Variants in ROCK2 observed in about 807,000 individuals in gnomAD.
ROCK2 encodes Rho associated coiled-coil containing protein kinase 2.
In ROCK2, 61 loss-of-function variants were observed where a neutral mutation model predicts 195.1. The observed-to-expected ratio is 0.31, with a 90% CI of 0.25 to 0.39. The LOEUF is 0.39. Ranked by LOEUF, ROCK2 falls within the 10% of genes least tolerant of loss-of-function variation. ROCK2 has a pLI of 1.00. For synonymous variants in ROCK2, 504 were observed against 545.5 expected (o/e 0.92, Z 1.06); for missense variants, 1,109 against 1,637.4 (o/e 0.68, Z 5.57).
At chr2:11,320,043 G>A (rs1668353716) in intron 1 of ROCK2, among the ~76,000 whole-genome samples, 1 of 152,044 alleles carries the variant, frequency 6.6e-6, no homozygotes, top group Non-Finnish European at 1.5e-5. Flanking sequence ...TCCACCTAAT[G>A]ACATGGGATA....
At chr2:11,297,704 T>C (rs1667579643) in intron 1 of ROCK2, among the ~76,000 whole-genome samples, 1 of 152,176 alleles carries the variant, frequency 6.6e-6, no homozygotes, top group Admixed American at 6.5e-5. Context: ...TCTAAATACA[T>C]GTTGTTAAGT....
At chr2:11,218,314 C>T in intron 11 of ROCK2, 141 bp downstream of exon 11, 1 of 494,450 alleles carries the variant, frequency 2.0e-6, no homozygotes. Flanking sequence ...AAAAGAGATA[C>T]TTGGTAGAAG....
chr2:11,235,743 G>T lies in ROCK2; in HGVS notation c.682C>A (p.Leu228Ile). 6.2e-7 allele frequency: 1 copy of T among 1,612,492 alleles called. No homozygotes were observed. Among genetic ancestry groups the T allele is most frequent in the South Asian group, 1.1e-5 (1 of 90,678 alleles). The change falls in exon 5 of 33, where the codon CTA becomes ATA. Residue 228 changes from leucine to isoleucine, a missense_variant. By Grantham distance (5) the Leu-to-Ile change is conservative. Transcript: ENST00000315872. The surrounding 1 kb of genome is among the most constrained non-coding windows in gnomAD (Gnocchi z 4.2). ...CACGTGCCAAAATCTGCTAATTTTA[G>T]ATGTCCATGTTTATCCAAGAGCATG... ...DNMLLDKHGH[L>I]KLADFGTCMK...
chr2:11,310,613 T>C (rs748321232), intron 1 of ROCK2, among the ~76,000 whole-genome samples: 2 of 152,096 alleles, frequency 1.3e-5, no homozygotes, highest in Non-Finnish European at 2.9e-5. Context: ...GAATGCAAAA[T>C]AATATTTTAT....
At chr2:11,252,988 AAAGGT>A (rs1665892467) in intron 3 of ROCK2, among the ~76,000 whole-genome samples, 2 of 130,136 alleles carry the variant, frequency 1.5e-5, no homozygotes, top group Admixed American at 1.7e-4. Flanking sequence ...AATAATATTT[AAAGGT>A]AATCTGCAGG....
intron 5 of ROCK2, among the ~76,000 whole-genome samples, chr2:11,233,630 T>TA (rs139133173): frequency 0.042 from 6,466 of 152,216 alleles, 278 homozygotes; most frequent in Non-Finnish European, 0.06. Flanking sequence ...AATTGATTGA[T>TA]AGATACTATG....
chr2:11,256,875 T>G (rs1377780104), intron 3 of ROCK2, among the ~76,000 whole-genome samples: 1 of 151,296 alleles, frequency 6.6e-6, no homozygotes, highest in Non-Finnish European at 1.5e-5. Flanking sequence ...AATCTATACC[T>G]TCAGTTGGAA....
At chr2:11,239,186 G>A (rs796382573) in intron 4 of ROCK2, among the ~76,000 whole-genome samples, 3 of 151,680 alleles carry the variant, frequency 2.0e-5, no homozygotes, top group South Asian at 2.1e-4. Flanking sequence ...CACCAAAAAC[G>A]CAACTGACAA....
At chr2:11,198,917 T>G (rs1663744614) in intron 23 of ROCK2, 143 bp from the exon 24 acceptor site, 1 of 592,144 alleles carries the variant, frequency 1.7e-6, no homozygotes, top group South Asian at 2.2e-5. Flanking sequence ...AGTCTTGCTC[T>G]GTCACCCAGG....
At chr2:11,274,961 G>A (rs965115892) in intron 3 of ROCK2, among the ~76,000 whole-genome samples, 1 of 151,830 alleles carries the variant, frequency 6.6e-6, no homozygotes, top group African/African-American at 2.4e-5. Context: ...TAAAAATTAA[G>A]AATAATAAGA....
intron 4 of ROCK2, among the ~76,000 whole-genome samples, chr2:11,239,325 G>C (rs896407487): frequency 6.6e-6 from 1 of 152,020 alleles, no homozygotes; most frequent in Admixed American, 6.6e-5. Flanking sequence ...ATATAGCATT[G>C]GTCATTAGGG....
At chr2:11,321,246 G>C (rs1454991875) in intron 1 of ROCK2, among the ~76,000 whole-genome samples, 1 of 152,116 alleles carries the variant, frequency 6.6e-6, no homozygotes, top group African/African-American at 2.4e-5. Flanking sequence ...CACGATCTCA[G>C]CTCGCTGCAA....
chr2:11,255,737 T>C (rs1424263477), intron 3 of ROCK2, among the ~76,000 whole-genome samples: 2 of 150,148 alleles, frequency 1.3e-5, no homozygotes, highest in South Asian at 2.1e-4. Flanking sequence ...CTGGCCAACA[T>C]GGTGAAACCC....
At position 11,273,704 on chromosome 2, in the gene ROCK2, T is replaced by C. The variant is rs900669309; in HGVS notation, c.324+12835A>G. On this transcript the variant is annotated intron_variant, in intron 3 of 32. Transcript: ENST00000315872. The stretch of plus-strand genomic sequence containing the variant: ...AATATTCTCAAGTGCACATGGGACA[T>C]TTTCCAAAACAGATCATATGTCAGG... Among the ~76,000 whole-genome samples, 63 of 152,114 alleles carry C rather than the reference T, an allele frequency of 4.1e-4. 1 individual carries two copies. Among genetic ancestry groups the C allele is most frequent in the Non-Finnish European group, 1.2e-4 (8 of 68,010 alleles).
intron 1 of ROCK2, among the ~76,000 whole-genome samples, chr2:11,313,163 T>C (rs1572395542): frequency 6.6e-6 from 1 of 152,110 alleles, no homozygotes; most frequent in East Asian, 1.9e-4. Context: ...TCATTAACTG[T>C]ATGTAACAAG....
intron 1 of ROCK2, among the ~76,000 whole-genome samples, chr2:11,307,767 A>C (rs1667903558): frequency 6.6e-6 from 1 of 152,246 alleles, no homozygotes; most frequent in Non-Finnish European, 1.5e-5. Context: ...AACTGAAAAT[A>C]TTCAGGAAAA....
chr2:11,237,384 C>G (rs115330217), intron 4 of ROCK2, among the ~76,000 whole-genome samples: 1 of 152,128 alleles, frequency 6.6e-6, no homozygotes, highest in Admixed American at 6.5e-5. Context: ...AAAGCACCAA[C>G]GTCTACCTAA....
intron 13 of ROCK2, among the ~76,000 whole-genome samples, chr2:11,215,912 T>G (rs1375543771): frequency 1.3e-5 from 2 of 152,232 alleles, no homozygotes; most frequent in Non-Finnish European, 2.9e-5. Context: ...TGGCCTAAAA[T>G]GTTATGAATA....
At chr2:11,341,855 T>A (rs1225774430) in intron 1 of ROCK2, among the ~76,000 whole-genome samples, 2 of 152,154 alleles carry the variant, frequency 1.3e-5, no homozygotes, top group East Asian at 3.8e-4. Context: ...TAACATTCTT[T>A]TAAACATTAA....
Sources: gnomAD v4.1 joint callset for allele counts (sites outside exome capture counted in the v4.1 genomes callset) on GRCh38, gnomAD v4.1.1 for gene constraint, Gnocchi (gnomAD v3.1) non-coding constraint, MANE v1.5 for transcripts, NCBI Gene and HGNC (gene_info 2026-07-23, HGNC 2026-07-21) for gene names.